The following NSMCE2 variants were observed in gnomAD, a reference collection of about 807,000 sequenced individuals.
The protein encoded by NSMCE2 is NSE2 SUMO ligase component of SMC5/6 complex.
NSMCE2 carries 24 observed loss-of-function variants against 23.8 expected under a neutral mutation model. The observed-to-expected ratio is 1.01, with a 90% CI of 0.73 to 1.42. The LOEUF (loss-of-function observed/expected upper bound fraction) is 1.42, where lower values mean the gene tolerates loss of function less well. NSMCE2 is among the 40% of genes most tolerant of loss of function. NSMCE2 has a pLI of 0.00. For missense variants in NSMCE2, 284 were observed against 296.5 expected (o/e 0.96, Z 0.31); for synonymous variants, 92 against 94.1 (o/e 0.98, Z 0.13).
At chr8:125,297,411 G>C (rs376641588) in intron 5 of NSMCE2, among the ~76,000 whole-genome samples, 2 of 152,176 alleles carry the variant, frequency 1.3e-5, no homozygotes, top group African/African-American at 4.8e-5. Context: ...GGGACAGGCA[G>C]CTCATTCCAT....
chr8:125,264,556 A>C (rs1452212177), intron 5 of NSMCE2, among the ~76,000 whole-genome samples: 1 of 152,080 alleles, frequency 6.6e-6, no homozygotes, highest in Non-Finnish European at 1.5e-5. Context: ...ATCTGCGCGC[A>C]CCACCACGCC....
chr8:125,242,179 G>T (rs1825789610), intron 5 of NSMCE2, among the ~76,000 whole-genome samples: 1 of 152,150 alleles, frequency 6.6e-6, no homozygotes, highest in African/African-American at 2.4e-5. Context: ...GGAAATATAT[G>T]TAGAAAGAGA....
intron 5 of NSMCE2, chr8:125,348,195 A>G (rs1812862286): frequency 6.6e-6 from 1 of 152,216 alleles, no homozygotes; most frequent in Non-Finnish European, 1.5e-5. Context: ...AGCAGTAACA[A>G]TTTTATAATT....
chr8:125,203,901 T>C (rs1435286276), intron 5 of NSMCE2, among the ~76,000 whole-genome samples: 1 of 152,134 alleles, frequency 6.6e-6, no homozygotes, highest in Non-Finnish European at 1.5e-5. Context: ...AGAAAAAAAT[T>C]TAAAAAAATA....
intron 4 of NSMCE2, among the ~76,000 whole-genome samples, chr8:125,153,763 A>G (rs1307875262): frequency 1.3e-5 from 2 of 152,208 alleles, no homozygotes; most frequent in Non-Finnish European, 2.9e-5. Context: ...TAGATAATGT[A>G]TATCAAAATG....
intron 4 of NSMCE2, among the ~76,000 whole-genome samples, chr8:125,180,403 T>C (rs1822745694): frequency 6.6e-6 from 1 of 152,238 alleles, no homozygotes; most frequent in Non-Finnish European, 1.5e-5. Context: ...TACACTAAAA[T>C]ATAAATTTTA....
chr8:125,281,844 T>G (rs1827708950), intron 5 of NSMCE2, among the ~76,000 whole-genome samples: 1 of 151,820 alleles, frequency 6.6e-6, no homozygotes, highest in Non-Finnish European at 1.5e-5. Context: ...CCTCCCAAAG[T>G]GCTGGATCAC....
intron 4 of NSMCE2, among the ~76,000 whole-genome samples, chr8:125,174,596 A>C (rs1822383615): frequency 6.6e-6 from 1 of 152,258 alleles, no homozygotes; most frequent in Non-Finnish European, 1.5e-5. Context: ...CATCTGTTAG[A>C]CAACTGTCTA....
chr8:125,312,549 T>TG (rs1829012008), intron 5 of NSMCE2, among the ~76,000 whole-genome samples: 2 of 152,298 alleles, frequency 1.3e-5, no homozygotes, highest in South Asian at 4.1e-4. Context: ...TGCTTGAACC[T>TG]GGGAGGCAGA....
intron 5 of NSMCE2, among the ~76,000 whole-genome samples, chr8:125,335,284 GC>G (rs1830033059): frequency 6.6e-6 from 1 of 152,150 alleles, no homozygotes; most frequent in Non-Finnish European, 1.5e-5. Flanking sequence ...GCGATTATGT[GC>G]CAAGCCCCAT....
intron 5 of NSMCE2, among the ~76,000 whole-genome samples, chr8:125,345,361 T>A (rs1185907161): frequency 9.9e-5 from 15 of 152,264 alleles, no homozygotes; most frequent in Non-Finnish European, 1.5e-5. Context: ...CCAAATTGTC[T>A]TATTCTAAGA....
At chr8:125,134,230 T>G (rs1819937828) in intron 3 of NSMCE2, among the ~76,000 whole-genome samples, 1 of 152,218 alleles carries the variant, frequency 6.6e-6, no homozygotes, top group South Asian at 2.1e-4. Flanking sequence ...ACCCAGACAT[T>G]ATGTTATGAA....
intron 5 of NSMCE2, among the ~76,000 whole-genome samples, chr8:125,183,282 A>C (rs1822917299): frequency 6.6e-6 from 1 of 152,198 alleles, no homozygotes; most frequent in Admixed American, 6.5e-5. Context: ...AAGCTGCCTC[A>C]CTTTTGTCTA....
chr8:125,299,444 GAGAGAGCGAGCA>G (rs2131190971), intron 5 of NSMCE2, among the ~76,000 whole-genome samples: 1 of 152,280 alleles, frequency 6.6e-6, no homozygotes, highest in Admixed American at 6.5e-5. Flanking sequence ...GGCAACAGGA[GAGAGAGCGAGCA>G]AGAGGCGAGA....
At chr8:125,122,176 A>T (rs1011531794) in intron 3 of NSMCE2, among the ~76,000 whole-genome samples, 153 of 149,048 alleles carry the variant, frequency 1.0e-3, no homozygotes, top group African/African-American at 2.7e-3. Context: ...CTGAGCCAAA[A>T]AAAAAAAAAA....
At chr8:125,253,027 A>G (rs1325547487) in intron 5 of NSMCE2, among the ~76,000 whole-genome samples, 1 of 152,242 alleles carries the variant, frequency 6.6e-6, no homozygotes. Flanking sequence ...CATGTAAAGT[A>G]CTTAGCACTG....
chr8:125,154,647 A>G lies in NSMCE2; in HGVS notation c.264+3370A>G, dbSNP rs113419221. Among the ~76,000 whole-genome samples the G allele has an allele frequency of 1.5e-3, 236 of 152,308 alleles. 1 individual carries two copies. Among genetic ancestry groups the G allele is most frequent in the African/African-American group, 5.4e-3 (223 of 41,580 alleles). ...AGGTTAAATGGGTTTTATACCTGTC[A>G]CAACTCTTTAAAAACTGCATTTAGA... On this transcript the variant is annotated intron_variant, in intron 4 of 7. Transcript: ENST00000287437.
chr8:125,168,365 TAG>T (rs1822003474), intron 4 of NSMCE2, among the ~76,000 whole-genome samples: 1 of 152,206 alleles, frequency 6.6e-6, no homozygotes, highest in African/African-American at 2.4e-5. Flanking sequence ...GAAGACTGTC[TAG>T]AGTCTTTTCT....
intron 5 of NSMCE2, among the ~76,000 whole-genome samples, chr8:125,341,577 GT>G (rs377739935): frequency 0.011 from 1,582 of 149,488 alleles, 25 homozygotes; most frequent in African/African-American, 0.037. Flanking sequence ...TCATCTGTTA[GT>G]TTTTTTTTTC....
Sources: gnomAD v4.1 joint callset for allele counts (sites outside exome capture counted in the v4.1 genomes callset) on GRCh38, gnomAD v4.1.1 for gene constraint, MANE v1.5 for transcripts, NCBI Gene and HGNC (gene_info 2026-07-23, HGNC 2026-07-21) for gene names.